SUGCT: variants seen among roughly 807,000 people sequenced by gnomAD.
The protein encoded by SUGCT is succinyl-CoA:glutarate CoA-transferase.
Under a neutral mutation model 55.0 loss-of-function variants are expected in SUGCT, and 41 were observed. The observed-to-expected ratio is 0.74, with a 90% confidence interval of 0.58 to 0.97. The LOEUF (loss-of-function observed/expected upper bound fraction) is 0.97, where lower values mean the gene tolerates loss of function less well. SUGCT is among the 50% of genes least tolerant of loss of function. The probability of loss-of-function intolerance (pLI) is 0.00; values close to 1 mark genes in which losing one functional copy is unlikely to be tolerated. For synonymous variants in SUGCT, 187 were observed against 200.4 expected (o/e 0.93, Z 0.56); for missense variants, 568 against 547.8 (o/e 1.04, Z -0.37).
At chr7:40,402,592 T>G (rs1406540037) in intron 9 of SUGCT, among the ~76,000 whole-genome samples, 3 of 152,200 alleles carry the variant, frequency 2.0e-5, no homozygotes, top group Non-Finnish European at 4.4e-5. Flanking sequence ...TGTTTTTTTT[T>G]TCTGTTCTTT....
chr7:41,034,348 AG>A, the SUGCT span, among the ~76,000 whole-genome samples: 6 of 152,194 alleles, frequency 3.9e-5, no homozygotes, highest in Non-Finnish European at 8.8e-5. Context: ...AAAGTAAAAC[AG>A]ATTGAGAACT....
intron 12 of SUGCT, among the ~76,000 whole-genome samples, chr7:40,552,275 T>C (rs1283992739): frequency 1.3e-5 from 2 of 152,212 alleles, no homozygotes; most frequent in Non-Finnish European, 2.9e-5. Context: ...TTGCTTTTAT[T>C]ACTGTGGCAT....
the SUGCT span, among the ~76,000 whole-genome samples, chr7:40,894,786 C>A: frequency 1.3e-5 from 2 of 152,080 alleles, no homozygotes; most frequent in African/African-American, 4.8e-5. Context: ...GTCAGAATGG[C>A]TATTATTAAA....
Position 40,644,548 on chromosome 7 carries a change from T to G in SUGCT, c.1090-104886T>G, listed in dbSNP as rs368207941. Among the ~76,000 whole-genome samples the G allele has an allele frequency of 1.2e-4, 18 of 152,316 alleles. No homozygotes were observed. The East Asian group carries it at 2.7e-3, about 23-fold the overall frequency. ...AACTTCCTACAGCTGTGTTTGTTGA[T>G]CCCAAGAAACCATGCAGGGTGTTCA... is the stretch of plus-strand genomic sequence containing the variant. On this transcript the variant is annotated intron_variant, in intron 12 of 13. Transcript: ENST00000335693.
rs367611852 is a variant in SUGCT at position 40,171,927 on chromosome 7, G to T, written c.101-9020G>T. Among the ~76,000 whole-genome samples, 18 of 152,082 alleles carry T rather than the reference G, an allele frequency of 1.2e-4. No individual in the cohort carries two copies. The East Asian group carries it at 2.7e-3, about 23-fold the overall frequency. ...TTTACCCTGGCTTTTAAAGGAATAG[G>T]GTATATACTGTTTTTTCTTTAACTA... On this transcript the variant is annotated intron_variant, in intron 1 of 13. Transcript: ENST00000335693.
At chr7:40,437,651 G>T (rs1373147611) in intron 9 of SUGCT, among the ~76,000 whole-genome samples, 1 of 152,170 alleles carries the variant, frequency 6.6e-6, no homozygotes, top group African/African-American at 2.4e-5. Flanking sequence ...GTGCCATAAG[G>T]TGAACTGAAC....
intron 12 of SUGCT, among the ~76,000 whole-genome samples, chr7:40,622,220 G>A (rs549919409): frequency 6.6e-6 from 1 of 152,326 alleles, no homozygotes; most frequent in South Asian, 2.1e-4. Flanking sequence ...GGAAATCAGT[G>A]TGCCAATTAG....
At chr7:41,018,467 C>A in the SUGCT span, among the ~76,000 whole-genome samples, 1 of 152,306 alleles carries the variant, frequency 6.6e-6, no homozygotes, top group Non-Finnish European at 1.5e-5. Context: ...GCCACCAGCT[C>A]TTTTGAACTT....
At chr7:40,693,198 T>C (rs1207965961) in intron 12 of SUGCT, among the ~76,000 whole-genome samples, 3 of 152,176 alleles carry the variant, frequency 2.0e-5, no homozygotes, top group Admixed American at 6.5e-5. Context: ...GAGCCTGGGC[T>C]TTAACTCGTG....
chr7:40,355,040 T>C (rs573950217), intron 9 of SUGCT, among the ~76,000 whole-genome samples: 19 of 152,332 alleles, frequency 1.2e-4, no homozygotes, highest in African/African-American at 4.1e-4. Context: ...GGCTCCTGCC[T>C]TCTCCATAGA....
the SUGCT span, among the ~76,000 whole-genome samples, chr7:41,037,714 G>C: frequency 6.7e-5 from 10 of 149,980 alleles, no homozygotes; most frequent in Non-Finnish European, 1.3e-4. Context: ...AAATGCCTCA[G>C]TTATCAGTTC....
At chr7:40,511,411 T>C (rs1037240947) in intron 12 of SUGCT, among the ~76,000 whole-genome samples, 2 of 152,156 alleles carry the variant, frequency 1.3e-5, no homozygotes, top group African/African-American at 2.4e-5. Context: ...ATGACACTTG[T>C]ATGCTGTGTG....
chr7:40,367,340 A>G (rs1033718116), intron 9 of SUGCT, among the ~76,000 whole-genome samples: 2 of 151,800 alleles, frequency 1.3e-5, no homozygotes, highest in Non-Finnish European at 2.9e-5. Context: ...TGGGTGCAGG[A>G]CACCAGCATG....
chr7:40,154,608 G>A (rs550461214), intron 1 of SUGCT, among the ~76,000 whole-genome samples: 4 of 152,150 alleles, frequency 2.6e-5, no homozygotes, highest in South Asian at 2.1e-4. Flanking sequence ...GGGATTACAG[G>A]TGTGAGCCAC....
chr7:40,141,370 C>T (rs1265553281), intron 1 of SUGCT, among the ~76,000 whole-genome samples: 1 of 151,846 alleles, frequency 6.6e-6, no homozygotes, highest in Non-Finnish European at 1.5e-5. Context: ...CGCGGTGGCT[C>T]ATGGTTGTAC....
chr7:40,378,318 T>A (rs1784706246), intron 9 of SUGCT, among the ~76,000 whole-genome samples: 1 of 152,154 alleles, frequency 6.6e-6, no homozygotes, highest in South Asian at 2.1e-4. Context: ...TCCTTTTTTC[T>A]TTCTACTATT....
intron 13 of SUGCT, among the ~76,000 whole-genome samples, chr7:40,847,411 C>CTTTTTTTTTTTTTTTTTTTTTTTTTTTTT (rs981613426): frequency 2.7e-5 from 2 of 75,398 alleles, no homozygotes; most frequent in Admixed American, 1.6e-4. Flanking sequence ...TTCTTTCTTT[C>CTTTTTTTTTTTTTTTTTTTTTTTTTTTTT]TTTTTTTTTT....
chr7:40,749,549 A>G, intron 13 of SUGCT, 52 bp downstream of exon 13: 3 of 1,441,868 alleles, frequency 2.1e-6, no homozygotes, highest in South Asian at 2.3e-5. Context: ...TAATTGTCCC[A>G]TATGCTGTTT....
At chr7:40,658,306 T>C (rs762283192) in intron 12 of SUGCT, among the ~76,000 whole-genome samples, 6 of 152,208 alleles carry the variant, frequency 3.9e-5, no homozygotes, top group Non-Finnish European at 8.8e-5. Flanking sequence ...CAGTTATTGT[T>C]TCAACTCTGT....
Sources: gnomAD v4.1 joint callset for allele counts (sites outside exome capture counted in the v4.1 genomes callset) on GRCh38, gnomAD v4.1.1 for gene constraint, MANE v1.5 for transcripts, NCBI Gene and HGNC (gene_info 2026-07-23, HGNC 2026-07-21) for gene names.